Variants in GRM5 observed in about 807,000 individuals in gnomAD.
GRM5 encodes metabotropic glutamate receptor 5.
A neutral mutation model predicts 83.1 loss-of-function variants in GRM5; 19 were observed. The ratio of observed to expected loss-of-function variants is 0.23; its 90% CI spans 0.16 to 0.34. The LOEUF is 0.34. GRM5 is among the 10% of genes least tolerant of loss of function. GRM5 has a pLI of 1.00. For synonymous variants in GRM5, 675 were observed against 633.6 expected (o/e 1.07, Z -0.98); for missense variants, 1,160 against 1,588.3 (o/e 0.73, Z 4.58).
chr11:88,590,593 T>A lies in GRM5; in HGVS notation c.1690+8A>T. On this transcript the variant is annotated splice_region_variant and intron_variant, in intron 7 of 9. Coordinates refer to ENST00000305447, the MANE Select transcript of GRM5 (RefSeq NM_001143831.3). ...TAATTTATATGTGGTGAGATTGTGA[T>A]AGATTACCTGTGAGATCATCAGTGG... 6.2e-7 allele frequency: 1 copy of A among 1,610,978 alleles called. No individual in the cohort carries two copies. The highest frequency in any genetic ancestry group is 8.5e-7 in the Non-Finnish European group (1 of 1,177,386).
intron 3 of GRM5, among the ~76,000 whole-genome samples, chr11:88,687,907 T>G (rs1940687831): frequency 6.6e-6 from 1 of 152,016 alleles, no homozygotes; most frequent in African/African-American, 2.4e-5. Context: ...AGAACTCTGT[T>G]ACAATTGCAA....
At chr11:88,547,811 A>C (rs768305188) in intron 8 of GRM5, among the ~76,000 whole-genome samples, 13 of 152,162 alleles carry the variant, frequency 8.5e-5, no homozygotes, top group African/African-American at 1.9e-4. Context: ...CAAGTGTAAA[A>C]ATTAGCATAT....
chr11:88,773,644 G>T (rs1942786322), intron 3 of GRM5, among the ~76,000 whole-genome samples: 1 of 152,068 alleles, frequency 6.6e-6, no homozygotes, highest in Non-Finnish European at 1.5e-5. Flanking sequence ...TGTAAGGAAG[G>T]GATCCAGTTT....
intron 2 of GRM5, among the ~76,000 whole-genome samples, chr11:88,851,928 G>A (rs1944395442): frequency 6.6e-6 from 1 of 152,180 alleles, no homozygotes; most frequent in African/African-American, 2.4e-5. Flanking sequence ...TCTGAAAAAT[G>A]TGCCAAAGGG....
At chr11:88,771,891 A>C (rs564398211) in intron 3 of GRM5, among the ~76,000 whole-genome samples, 1 of 152,238 alleles carries the variant, frequency 6.6e-6, no homozygotes, top group African/African-American at 2.4e-5. Flanking sequence ...CATGGCAATC[A>C]CTGGTTTGTT....
intron 4 of GRM5, among the ~76,000 whole-genome samples, chr11:88,643,984 A>G (rs1385197781): frequency 2.6e-5 from 4 of 152,220 alleles, no homozygotes; most frequent in Non-Finnish European, 5.9e-5. Context: ...ACTTTAAGAG[A>G]AGAAGAAACA....
At chr11:88,814,661 C>T (rs141877451) in intron 3 of GRM5, among the ~76,000 whole-genome samples, 216 of 152,194 alleles carry the variant, frequency 1.4e-3, no homozygotes, top group African/African-American at 5.0e-3. Flanking sequence ...AACTGAACTG[C>T]ATCCCAGAAC....
chr11:88,841,592 C>T (rs1428646717), intron 3 of GRM5, among the ~76,000 whole-genome samples: 2 of 152,102 alleles, frequency 1.3e-5, no homozygotes, highest in Non-Finnish European at 2.9e-5. Flanking sequence ...TGGCTTCATA[C>T]GTTTCCTTTT....
chr11:88,586,107 T>TAC (rs140549003), intron 7 of GRM5, among the ~76,000 whole-genome samples: 39,279 of 150,446 alleles, frequency 0.26, 5,120 homozygotes, highest in Non-Finnish European at 0.28. Flanking sequence ...CATACATGTT[T>TAC]ACACACACAC....
chr11:88,673,717 C>T (rs942060465), intron 3 of GRM5, among the ~76,000 whole-genome samples: 2 of 151,482 alleles, frequency 1.3e-5, no homozygotes, highest in African/African-American at 4.8e-5. Flanking sequence ...ACTTGAATGT[C>T]CAGTTAGAGC....
intron 2 of GRM5, among the ~76,000 whole-genome samples, chr11:89,011,778 T>C (rs1940707643): frequency 6.6e-6 from 1 of 152,236 alleles, no homozygotes; most frequent in Non-Finnish European, 1.5e-5. Flanking sequence ...GCATACATTA[T>C]TTTATGTAAC....
At chr11:88,554,499 C>A (rs1942581295) in intron 8 of GRM5, among the ~76,000 whole-genome samples, 1 of 152,120 alleles carries the variant, frequency 6.6e-6, no homozygotes, top group African/African-American at 2.4e-5. Flanking sequence ...CTATTACTTC[C>A]CTTGTTTTAT....
intron 4 of GRM5, among the ~76,000 whole-genome samples, chr11:88,610,015 C>A (rs1938270694): frequency 6.6e-6 from 1 of 152,076 alleles, no homozygotes; most frequent in Non-Finnish European, 1.5e-5. Context: ...TTTGTTATTA[C>A]TGACTTTGTT....
intron 8 of GRM5, among the ~76,000 whole-genome samples, chr11:88,531,634 G>T (rs1942010047): frequency 6.6e-6 from 1 of 152,052 alleles, no homozygotes; most frequent in South Asian, 2.1e-4. Context: ...GAACATATTT[G>T]GTTAAAAATG....
intron 2 of GRM5, among the ~76,000 whole-genome samples, chr11:88,871,795 G>A (rs1447264615): frequency 3.3e-5 from 5 of 151,456 alleles, no homozygotes; most frequent in Middle Eastern, 3.4e-3. Context: ...ACAAATTGCT[G>A]TAATTTCAAA....
chr11:88,662,019 A>G (rs570474288), intron 3 of GRM5, among the ~76,000 whole-genome samples: 2 of 152,288 alleles, frequency 1.3e-5, no homozygotes, highest in South Asian at 4.1e-4. Context: ...CATAAAAAGT[A>G]AGTAGAGGTA....
chr11:88,818,841 G>A (rs1943735417), intron 3 of GRM5, among the ~76,000 whole-genome samples: 1 of 152,086 alleles, frequency 6.6e-6, no homozygotes, highest in Non-Finnish European at 1.5e-5. Flanking sequence ...AAAAAAGACA[G>A]CATTATTGTA....
intron 3 of GRM5, among the ~76,000 whole-genome samples, chr11:88,796,124 A>T (rs1943269599): frequency 6.6e-6 from 1 of 152,144 alleles, no homozygotes; most frequent in African/African-American, 2.4e-5. Context: ...TGCATTTCCA[A>T]CGTAATTTAA....
intron 2 of GRM5, among the ~76,000 whole-genome samples, chr11:89,038,959 A>G (rs1044544402): frequency 3.9e-5 from 6 of 152,156 alleles, no homozygotes; most frequent in African/African-American, 1.4e-4. Flanking sequence ...AAACAAACTA[A>G]CCAAATTTAA....
Sources: allele counts gnomAD v4.1 joint callset (sites outside exome capture counted in the v4.1 genomes callset), GRCh38; gene constraint gnomAD v4.1.1; transcripts MANE v1.5; gene names NCBI Gene and HGNC (gene_info 2026-07-23, HGNC 2026-07-21).